Variants in IQSEC2 observed in about 807,000 individuals in gnomAD.
IQSEC2 encodes IQ motif and SEC7 domain-containing protein 2.
A neutral mutation model predicts 74.6 loss-of-function variants in IQSEC2; 6 were observed. That is an observed-to-expected ratio of 0.08 (90% CI 0.04 to 0.16). The LOEUF is 0.16. Among genes scored for constraint, IQSEC2 ranks in the 10% least tolerant of loss-of-function variants. The pLI is 1.00. For missense variants in IQSEC2, 734 were observed against 1,306.2 expected, an observed-to-expected ratio of 0.56 and a Z score of 6.75; for synonymous variants, 494 against 544.5, an observed-to-expected ratio of 0.91 and a Z score of 1.29.
At chrX:53,273,982 T>C (rs2074782035) in intron 2 of IQSEC2, among the ~76,000 whole-genome samples, 2 of 113,011 alleles carry the variant, frequency 1.8e-5, no homozygotes, top group South Asian at 3.6e-4. Flanking sequence ...GCACATTTTG[T>C]TTAAAGTGCA....
downstream of IQSEC2, among the ~76,000 whole-genome samples, chrX:53,232,387 A>AAGGCC (rs1170670036): frequency 8.9e-6 from 1 of 111,974 alleles, no homozygotes; most frequent in African/African-American, 3.2e-5. Flanking sequence ...GAGGAGCTCC[A>AAGGCC]AGGCCAGGCC....
At chrX:53,299,130 C>T (rs1316549803) in intron 1 of IQSEC2, among the ~76,000 whole-genome samples, 1 of 109,864 alleles carries the variant, frequency 9.1e-6, no homozygotes, top group Non-Finnish European at 1.9e-5. Context: ...AGGCTGGTCT[C>T]AGACTCCTGG....
intron 2 of IQSEC2, among the ~76,000 whole-genome samples, chrX:53,287,750 G>A (rs1282941950): frequency 8.9e-6 from 1 of 112,460 alleles, no homozygotes; most frequent in Non-Finnish European, 1.9e-5. Context: ...AGTTTATTTC[G>A]GTGCCAACCA....
chrX:53,279,743 G>A (rs1290614187), intron 2 of IQSEC2: 17 of 572,250 alleles, frequency 3.0e-5, no homozygotes, highest in Non-Finnish European at 5.1e-5. Context: ...GGGGCAAGAA[G>A]GTGAGAGTGA....
intron 2 of IQSEC2, among the ~76,000 whole-genome samples, chrX:53,282,050 G>A (rs981194425): frequency 1.8e-5 from 2 of 112,254 alleles, no homozygotes; most frequent in Non-Finnish European, 3.8e-5. Flanking sequence ...CTATGTTTAG[G>A]AGTTGTTCTG....
chrX:53,263,426 C>T (rs1004770071), intron 2 of IQSEC2, among the ~76,000 whole-genome samples: 1 of 111,109 alleles, frequency 9.0e-6, no homozygotes, highest in East Asian at 2.8e-4. Context: ...TGGCCAGCAT[C>T]CCACTCTTAG....
At chrX:53,304,093 C>G (rs2075237733) in intron 1 of IQSEC2, among the ~76,000 whole-genome samples, 1 of 108,322 alleles carries the variant, frequency 9.2e-6, no homozygotes, top group African/African-American at 3.4e-5. Flanking sequence ...CGAGATTGCA[C>G]CACTGCACTC....
rs2074181664 is a variant in IQSEC2 at position 53,239,263 on chromosome X, A to G, written c.3047T>C (p.Leu1016Ser). 1 of 1,207,889 alleles carries G rather than the reference A, an allele frequency of 8.3e-7. No individual in the cohort carries two copies. The highest frequency in any genetic ancestry group is 1.1e-6 in the Non-Finnish European group (1 of 893,599). Residue 1016 changes from leucine (L) to serine (S), a missense_variant, in exon 11 of 15, where the codon TTG becomes TCG. Around this residue, in one of 12 missense-constraint regions of IQSEC2, gnomAD observed 249 missense variants for 467.9 expected, o/e 0.53. Transcript: ENST00000642864. ...VTKIFQKKKI[L>S]VTYSFRQSFP... ...AGACTGACGGAAACTGTACGTCACC[A>G]AGATCTTCTTCTTCTGGAAAATTTT...
chrX:53,291,453 GT>G (rs1197852678), intron 2 of IQSEC2, among the ~76,000 whole-genome samples: 172 of 111,904 alleles, frequency 1.5e-3, no homozygotes, highest in African/African-American at 5.3e-3. Flanking sequence ...TCTAGAATGT[GT>G]TACATCCAGA....
chrX:53,270,228 C>T (rs2074721299), intron 2 of IQSEC2, among the ~76,000 whole-genome samples: 1 of 110,634 alleles, frequency 9.0e-6, no homozygotes, highest in African/African-American at 3.3e-5. Context: ...ACCCTAGATT[C>T]TTCCTGCCCT....
intron 1 of IQSEC2, among the ~76,000 whole-genome samples, chrX:53,292,276 AG>A (rs1445901129): frequency 8.9e-6 from 1 of 111,917 alleles, no homozygotes; most frequent in Non-Finnish European, 1.9e-5. Flanking sequence ...AGCCGTGGGC[AG>A]GGGCAAAGCC....
At chrX:53,295,123 A>C (rs1187023518) in intron 1 of IQSEC2, among the ~76,000 whole-genome samples, 1 of 111,858 alleles carries the variant, frequency 8.9e-6, no homozygotes, top group African/African-American at 3.3e-5. Context: ...GCACCTGGCC[A>C]GCCTTGTCTT....
At chrX:53,246,385 T>A (rs1295824949) in intron 8 of IQSEC2, among the ~76,000 whole-genome samples, 1 of 111,765 alleles carries the variant, frequency 8.9e-6, no homozygotes, top group Non-Finnish European at 1.9e-5. Flanking sequence ...CTGTTCACTT[T>A]CTGTCTTATG....
At chrX:53,300,023 GT>G (rs11293447) in intron 1 of IQSEC2, among the ~76,000 whole-genome samples, 25,100 of 110,040 alleles carry the variant, frequency 0.23, 4,178 homozygotes, top group African/African-American at 0.59. Flanking sequence ...GCCTCCCAAA[GT>G]TGGGGGGGGA....
intron 1 of IQSEC2, among the ~76,000 whole-genome samples, chrX:53,304,727 C>A (rs1335398740): frequency 9.0e-6 from 1 of 111,238 alleles, no homozygotes; most frequent in African/African-American, 3.3e-5. Context: ...CCCTGGGAGG[C>A]TTGATCCAAG....
intron 14 of IQSEC2, among the ~76,000 whole-genome samples, chrX:53,235,549 G>A (rs782434425): frequency 8.1e-5 from 9 of 111,600 alleles, no homozygotes; most frequent in African/African-American, 2.6e-4. Context: ...ATCCCTACTC[G>A]CCGTCGGCCC....
At chrX:53,282,650 G>A (rs2074982994) in intron 2 of IQSEC2, among the ~76,000 whole-genome samples, 1 of 112,390 alleles carries the variant, frequency 8.9e-6, no homozygotes, top group Non-Finnish European at 1.9e-5. Context: ...GAAAGCCAAA[G>A]CTACTGAGAG....
downstream of IQSEC2, chrX:53,227,444 G>A (rs1556857879): frequency 1.4e-5 from 4 of 276,857 alleles, no homozygotes; most frequent in East Asian, 1.0e-4. Context: ...TCTTCCTGTC[G>A]TTTGCCCTCA....
chrX:53,234,634 G>A lies in IQSEC2; in HGVS notation c.4052C>T (p.Pro1351Leu), dbSNP rs2074097454. The A allele has an allele frequency of 3.5e-6, 4 of 1,135,492 alleles. No individual in the cohort carries two copies. In the South Asian group the frequency reaches 6.4e-5, roughly 18 times the overall value. 93.6% of individuals were successfully genotyped at this position (1,135,492 alleles called of 1,213,427 possible). Residue 1351 changes from proline to leucine, a missense_variant, in exon 15 of 15, where the codon CCT becomes CTT. By Grantham distance (98) the Pro-to-Leu change is moderately conservative. Transcript: ENST00000642864. Reference sequence around the variant, plus strand: ...GTGGCGGCCATGTGGAGCAAACTGAGGGTGTCCTCCAGCCCCCCGTCTGGG... The same window carrying A: ...GTGGCGGCCATGTGGAGCAAACTGAAGGTGTCCTCCAGCCCCCCGTCTGGG... ...RAPRRGAGGH[P>L]QFAPHGRHPL...
Sources: gnomAD v4.1 joint callset for allele counts (sites outside exome capture counted in the v4.1 genomes callset) on GRCh38, gnomAD v4.1.1 for gene constraint, gnomAD v4.1.1 regional missense constraint, MANE v1.5 for transcripts, NCBI Gene and HGNC (gene_info 2026-07-23, HGNC 2026-07-21) for gene names.